The following PLCB1 variants were observed in gnomAD, a reference collection of about 807,000 sequenced individuals.
The protein encoded by PLCB1 is 1-phosphatidylinositol 4,5-bisphosphate phosphodiesterase beta-1.
PLCB1 carries 46 observed loss-of-function variants against 161.8 expected under a neutral mutation model. The ratio of observed to expected loss-of-function variants is 0.28; its 90% CI spans 0.22 to 0.36. The LOEUF is 0.36. PLCB1 is among the 10% of genes least tolerant of loss of function. PLCB1 has a pLI of 1.00. For synonymous variants in PLCB1, 517 were observed against 503.7 expected (o/e 1.03, Z -0.35); for missense variants, 1,016 against 1,472.5 (o/e 0.69, Z 5.07).
intron 21 of PLCB1, among the ~76,000 whole-genome samples, chr20:8,740,032 A>G (rs1243900419): frequency 6.6e-6 from 1 of 152,198 alleles, no homozygotes; most frequent in Non-Finnish European, 1.5e-5. Context: ...TTTTAAAAAA[A>G]GAAGTCATGT....
At chr20:8,267,553 C>T (rs535644250) in intron 2 of PLCB1, among the ~76,000 whole-genome samples, 4 of 152,306 alleles carry the variant, frequency 2.6e-5, no homozygotes, top group African/African-American at 7.2e-5. Context: ...CAAGAAATCA[C>T]GGGCATCCCA....
chr20:8,812,202 T>C (rs1427559833), intron 31 of PLCB1, among the ~76,000 whole-genome samples: 1 of 152,146 alleles, frequency 6.6e-6, no homozygotes, highest in Admixed American at 6.5e-5. Context: ...CCCTTCTTCC[T>C]CAGGCCTTGG....
intron 23 of PLCB1, among the ~76,000 whole-genome samples, chr20:8,749,795 C>A (rs1187464850): frequency 1.3e-5 from 2 of 152,198 alleles, no homozygotes; most frequent in Non-Finnish European, 2.9e-5. Flanking sequence ...AAAGCAGCAT[C>A]TTCACTCTTT....
At chr20:8,257,642 C>T (rs6055697) in intron 2 of PLCB1, among the ~76,000 whole-genome samples, 3 of 151,886 alleles carry the variant, frequency 2.0e-5, no homozygotes, top group Non-Finnish European at 2.9e-5. Flanking sequence ...GTGAGAATTC[C>T]GAAAGTCAGT....
intron 3 of PLCB1, among the ~76,000 whole-genome samples, chr20:8,458,714 T>C (rs913574884): frequency 2.0e-5 from 3 of 152,232 alleles, no homozygotes; most frequent in Admixed American, 6.5e-5. Flanking sequence ...GAAAGACATT[T>C]GAGGTTGTCA....
chr20:8,368,211 A>G (rs916433798), intron 2 of PLCB1, among the ~76,000 whole-genome samples: 2 of 152,080 alleles, frequency 1.3e-5, no homozygotes, highest in African/African-American at 4.8e-5. Context: ...TGTTTCTTCA[A>G]TTGGGAGGAA....
At chr20:8,821,575 A>T (rs1187049223) in intron 31 of PLCB1, among the ~76,000 whole-genome samples, 1 of 135,938 alleles carries the variant, frequency 7.4e-6, no homozygotes, top group African/African-American at 2.6e-5. Context: ...GACACTTTTA[A>T]AAATGGAGGG....
chr20:8,590,947 A>T (rs6039204), intron 3 of PLCB1, among the ~76,000 whole-genome samples: 31,758 of 151,926 alleles, frequency 0.21, 3,451 homozygotes, highest in African/African-American at 0.28. Flanking sequence ...AGCATGCATT[A>T]GCTATGTTTC....
intron 7 of PLCB1, among the ~76,000 whole-genome samples, chr20:8,651,025 T>C (rs1600226624): frequency 6.6e-6 from 1 of 152,324 alleles, no homozygotes; most frequent in Non-Finnish European, 1.5e-5. Flanking sequence ...TTGATTCATT[T>C]CTACATGACT....
chr20:8,673,121 TAAATAAATA>T (rs1169050788), intron 9 of PLCB1, among the ~76,000 whole-genome samples: 2 of 56,754 alleles, frequency 3.5e-5, no homozygotes, highest in East Asian at 8.0e-4. Context: ...CAAAAATAAA[TAAATAAATA>T]AATAAATAAA....
chr20:8,377,230 G>T (rs1315193691), intron 3 of PLCB1, among the ~76,000 whole-genome samples: 4 of 152,130 alleles, frequency 2.6e-5, no homozygotes, highest in Non-Finnish European at 5.9e-5. Context: ...AGTGGGGAAA[G>T]GTGTCTTGAT....
At chr20:8,810,541 T>C (rs1984765293) in intron 31 of PLCB1, among the ~76,000 whole-genome samples, 1 of 152,170 alleles carries the variant, frequency 6.6e-6, no homozygotes, top group Non-Finnish European at 1.5e-5. Context: ...TGAATTTAGA[T>C]TGAATGAGAA....
chr20:8,583,352 A>T (rs1458829679), intron 3 of PLCB1, among the ~76,000 whole-genome samples: 1 of 152,230 alleles, frequency 6.6e-6, no homozygotes, highest in South Asian at 2.1e-4. Flanking sequence ...ATAAATTCTT[A>T]TGTTATTTCT....
In PLCB1 at chr20:8,132,846, C is replaced by A; in HGVS notation, c.99+96C>A. 1 of 826,706 alleles carries A rather than the reference C, an allele frequency of 1.2e-6. No homozygotes were observed. Among genetic ancestry groups the A allele is most frequent in the African/African-American group, 1.7e-5 (1 of 57,582 alleles). 51.2% of individuals were successfully genotyped at this position (826,706 alleles called of 1,614,324 possible). ...GGCAAGGGGCGCGTTATGCAATGGG[C>A]GCACTGGGAGCGGGCAGGGGCAGCC... On this transcript the variant is annotated intron_variant, in intron 1 of 31. Transcript: ENST00000338037. This position sits in a 1 kb window ranked among gnomAD's most constrained non-coding sequence, Gnocchi z 5.2.
Position 8,622,779 on chromosome 20 carries a change from T to C in PLCB1, c.247-5515T>C, listed in dbSNP as rs150747542. 1.1e-4 allele frequency among the ~76,000 whole-genome samples: 17 copies of C among 152,258 alleles called. No individual in the cohort carries two copies. The East Asian group carries it at 2.5e-3, about 23-fold the overall frequency. ...TCCTCAGATCTTTGATTGGGTCAGCTTCTGGGGCATCCAGACAAAGATCCT... is the reference window on the plus strand; with the variant it reads ...TCCTCAGATCTTTGATTGGGTCAGCCTCTGGGGCATCCAGACAAAGATCCT... On this transcript the variant is annotated intron_variant, in intron 3 of 31. Transcript: ENST00000338037.
chr20:8,486,185 T>A (rs1332793513), intron 3 of PLCB1, among the ~76,000 whole-genome samples: 1 of 152,134 alleles, frequency 6.6e-6, no homozygotes, highest in Non-Finnish European at 1.5e-5. Context: ...ATGGGGATTA[T>A]GGGAACTACA....
intron 3 of PLCB1, among the ~76,000 whole-genome samples, chr20:8,610,450 G>A (rs1262012245): frequency 6.6e-6 from 1 of 152,090 alleles, no homozygotes; most frequent in East Asian, 1.9e-4. Flanking sequence ...GAACTTTCAG[G>A]TATAAGCTTT....
intron 12 of PLCB1, among the ~76,000 whole-genome samples, chr20:8,710,307 G>A (rs1021292955): frequency 5.3e-5 from 8 of 151,910 alleles, no homozygotes; most frequent in African/African-American, 9.7e-5. Context: ...ACTCACTATC[G>A]CAACAACAGT....
chr20:8,501,864 C>CATATATATATAT (rs36226867), intron 3 of PLCB1, among the ~76,000 whole-genome samples: 1 of 104,706 alleles, frequency 9.6e-6, no homozygotes, highest in Non-Finnish European at 1.9e-5. Flanking sequence ...AGATATATCG[C>CATATATATATAT]ATATATATAT....
Sources: allele counts gnomAD v4.1 joint callset (sites outside exome capture counted in the v4.1 genomes callset), GRCh38; gene constraint gnomAD v4.1.1; non-coding constraint Gnocchi (gnomAD v3.1); transcripts MANE v1.5; gene names NCBI Gene and HGNC (gene_info 2026-07-23, HGNC 2026-07-21).